SLC25A21: variants seen among roughly 807,000 people sequenced by gnomAD.
SLC25A21 encodes the protein mitochondrial 2-oxodicarboxylate carrier.
In SLC25A21, 47 loss-of-function variants were observed where a neutral mutation model predicts 43.8. The observed-to-expected ratio is 1.07, with a 90% CI of 0.85 to 1.37. The LOEUF is 1.37. Ranked by LOEUF, SLC25A21 falls within the 40% of genes most tolerant of loss-of-function variation. The pLI, the probability that SLC25A21 is intolerant of heterozygous loss-of-function variation, is 0.00. For missense variants in SLC25A21, 352 were observed against 350.2 expected (o/e 1.00, Z -0.04); for synonymous variants, 131 against 121.3 (o/e 1.08, Z -0.52).
intron 1 of SLC25A21, among the ~76,000 whole-genome samples, chr14:36,937,693 C>T (rs1363843268): frequency 3.9e-5 from 6 of 152,020 alleles, no homozygotes; most frequent in Admixed American, 2.6e-4. Context: ...TGCGAGGAGA[C>T]GGATGGTTAG....
chr14:36,725,555 A>G lies in SLC25A21; in HGVS notation c.438+15T>C, dbSNP rs1884565638. On this transcript the variant is annotated intron_variant, in intron 6 of 9. Coordinates refer to ENST00000331299, the MANE Select transcript of SLC25A21 (RefSeq NM_030631.4). ...TTTACATGCCCCTAACAATAGAAAA[A>G]CATTAAATGGTTACCTCTGCAAATG... 7.1e-6 allele frequency: 10 copies of G among 1,409,124 alleles called. No individual in the cohort carries two copies. The highest frequency in any genetic ancestry group is 9.5e-6 in the Non-Finnish European group (10 of 1,053,268). The allele number at this position is 1,409,124 out of a possible 1,614,324, so 87.3% of individuals were successfully genotyped here.
At chr14:36,798,352 G>T (rs928440339) in intron 3 of SLC25A21, among the ~76,000 whole-genome samples, 1 of 152,096 alleles carries the variant, frequency 6.6e-6, no homozygotes, top group Non-Finnish European at 1.5e-5. Context: ...AATTGAGAAT[G>T]GTTATATAAG....
chr14:36,987,502 A>T (rs1248402146), intron 1 of SLC25A21, among the ~76,000 whole-genome samples: 1 of 152,214 alleles, frequency 6.6e-6, no homozygotes, highest in Non-Finnish European at 1.5e-5. Flanking sequence ...GGGGTGTCTA[A>T]CACTTACATG....
intron 1 of SLC25A21, among the ~76,000 whole-genome samples, chr14:36,977,199 C>A (rs1959895041): frequency 1.3e-5 from 2 of 152,192 alleles, no homozygotes; most frequent in South Asian, 4.1e-4. Context: ...GATCTATGGC[C>A]TAATCTATCC....
intron 1 of SLC25A21, among the ~76,000 whole-genome samples, chr14:37,148,524 A>T (rs559064935): frequency 1.3e-5 from 2 of 152,350 alleles, no homozygotes; most frequent in African/African-American, 4.8e-5. Context: ...GCTATGAAAG[A>T]GGTCAAAGTA....
intron 1 of SLC25A21, among the ~76,000 whole-genome samples, chr14:36,899,085 T>G (rs1891331061): frequency 6.6e-6 from 1 of 152,140 alleles, no homozygotes; most frequent in Admixed American, 6.5e-5. Flanking sequence ...CAATTTTATC[T>G]GTCAATTAAA....
intron 1 of SLC25A21, among the ~76,000 whole-genome samples, chr14:37,165,807 A>G (rs1964020437): frequency 6.6e-6 from 1 of 152,232 alleles, no homozygotes; most frequent in South Asian, 2.1e-4. Context: ...GGGAAATAAG[A>G]ACTACCCCGT....
chr14:36,766,769 A>T (rs1275283018), intron 3 of SLC25A21, among the ~76,000 whole-genome samples: 1 of 151,936 alleles, frequency 6.6e-6, no homozygotes, highest in African/African-American at 2.4e-5. Context: ...CCGGAAACTG[A>T]CTCCAGGGTC....
intron 1 of SLC25A21, among the ~76,000 whole-genome samples, chr14:36,973,380 G>A (rs764157569): frequency 2.6e-5 from 4 of 152,150 alleles, no homozygotes; most frequent in African/African-American, 2.4e-5. Flanking sequence ...GAAACATAGC[G>A]GAGGCTGCCT....
rs8005022 is a variant in SLC25A21 at position 37,036,910 on chromosome 14, T to G, written c.70+135371A>C. On this transcript the variant is annotated intron_variant, in intron 1 of 9. Coordinates refer to ENST00000331299, the MANE Select transcript of SLC25A21 (RefSeq NM_030631.4). Reference sequence around the variant, plus strand: ...GAGAATGAGTTCTTGTGTGAGTGTTTAGTTTCTGAAGCGGAGGATGCTGGC... The same window carrying G: ...GAGAATGAGTTCTTGTGTGAGTGTTGAGTTTCTGAAGCGGAGGATGCTGGC... Among the ~76,000 whole-genome samples, 154 of 152,126 alleles carry G rather than the reference T, an allele frequency of 1.0e-3. 1 individual carries two copies. Among genetic ancestry groups the G allele is most frequent in the Non-Finnish European group, 8.2e-4 (56 of 67,990 alleles).
intron 3 of SLC25A21, among the ~76,000 whole-genome samples, chr14:36,741,650 T>C (rs1472046829): frequency 6.6e-6 from 1 of 152,084 alleles, no homozygotes; most frequent in African/African-American, 2.4e-5. Context: ...ACAGAAATGA[T>C]CTCCAAGTTG....
At chr14:37,105,186 T>A (rs971936010) in intron 1 of SLC25A21, among the ~76,000 whole-genome samples, 1 of 152,206 alleles carries the variant, frequency 6.6e-6, no homozygotes, top group African/African-American at 2.4e-5. Context: ...AGTGTTTTTA[T>A]CTGAGTGTCA....
intron 7 of SLC25A21, among the ~76,000 whole-genome samples, chr14:36,701,771 T>G (rs906996441): frequency 2.0e-5 from 3 of 152,170 alleles, no homozygotes; most frequent in African/African-American, 7.2e-5. Context: ...AGGAAAGTAT[T>G]TATATATTTC....
intron 1 of SLC25A21, among the ~76,000 whole-genome samples, chr14:37,089,555 C>T (rs1267526472): frequency 2.0e-5 from 3 of 152,088 alleles, no homozygotes; most frequent in Non-Finnish European, 4.4e-5. Flanking sequence ...TTTTATTATC[C>T]ACCTGGCCAG....
rs1358451379 is a variant in SLC25A21 at position 36,729,566 on chromosome 14, A to T, written c.271T>A (p.Phe91Ile). The change falls in exon 5 of 10, where the codon TTT (phenylalanine) becomes ATT (isoleucine). Residue 91 changes from phenylalanine to isoleucine, a missense_variant and splice_region_variant. Coordinates refer to ENST00000331299, the MANE Select transcript of SLC25A21 (RefSeq NM_030631.4). ...LAETPKRAVK[F>I]FTFEQYKKLL... is the part of the protein sequence containing the mutation. ...TTCTTGTACTGCTCAAAGGTGAAAA[A>T]CTGTGAAACAAAACCAAACTCACAG... 2 of 1,606,734 alleles carry T rather than the reference A, an allele frequency of 1.2e-6. No individual in the cohort carries two copies. The highest frequency in any genetic ancestry group is 2.3e-5 in the South Asian group (2 of 88,674).
chr14:36,771,570 G>A (rs1286981979), intron 3 of SLC25A21, among the ~76,000 whole-genome samples: 1 of 152,144 alleles, frequency 6.6e-6, no homozygotes, highest in African/African-American at 2.4e-5. Flanking sequence ...AGAGGCCACA[G>A]TTTGTCTACT....
At chr14:37,148,176 A>G (rs1200791070) in intron 1 of SLC25A21, among the ~76,000 whole-genome samples, 2 of 151,938 alleles carry the variant, frequency 1.3e-5, no homozygotes, top group East Asian at 1.9e-4. Context: ...TGTTTTTCCT[A>G]CATATGGTAA....
chr14:37,149,302 A>C (rs1963718963), intron 1 of SLC25A21, among the ~76,000 whole-genome samples: 1 of 152,176 alleles, frequency 6.6e-6, no homozygotes. Context: ...ATCTACTGTC[A>C]CTTTCTTGAT....
intron 2 of SLC25A21, among the ~76,000 whole-genome samples, chr14:36,871,747 T>C (rs1890379069): frequency 1.3e-5 from 2 of 152,328 alleles, no homozygotes; most frequent in African/African-American, 4.8e-5. Context: ...GTGGCAGGCA[T>C]TGTCAAAGTG....
Sources: allele counts gnomAD v4.1 joint callset (sites outside exome capture counted in the v4.1 genomes callset), GRCh38; gene constraint gnomAD v4.1.1; transcripts MANE v1.5; gene names NCBI Gene and HGNC (gene_info 2026-07-23, HGNC 2026-07-21).